The following ZBTB25 variants were observed in gnomAD, a reference collection of about 807,000 sequenced individuals.
The protein encoded by ZBTB25 is zinc finger and BTB domain containing 25.
ZBTB25 carries 20 observed loss-of-function variants against 34.2 expected under a neutral mutation model. The observed-to-expected ratio is 0.58, with a 90% CI of 0.41 to 0.85. The LOEUF (loss-of-function observed/expected upper bound fraction) is 0.85. ZBTB25 is among the 40% of genes least tolerant of loss of function. The pLI is 0.00. For missense variants in ZBTB25, 437 were observed against 521.8 expected, an observed-to-expected ratio of 0.84 and a Z score of 1.58; for synonymous variants, 175 against 186.4, an observed-to-expected ratio of 0.94 and a Z score of 0.50.
chr14:64,468,792 C>T, intron 2 of ZBTB25: 1 of 1,614,062 alleles, frequency 6.2e-7, no homozygotes. Context: ...ATAAAATTCC[C>T]AAGAGGGCCA....
At chr14:64,470,714 A>G (rs2078661802) in intron 2 of ZBTB25, 1 of 166,942 alleles carries the variant, frequency 6.0e-6, no homozygotes, top group Non-Finnish European at 1.5e-5. Context: ...CTGCCTCAAC[A>G]GATCTGTATA....
At chr14:64,458,082 G>A in intron 2 of ZBTB25, 1 of 768,972 alleles carries the variant, frequency 1.3e-6, no homozygotes. Flanking sequence ...TAGAGATGGG[G>A]GTCTCACTAT....
rs777492020 is a variant in ZBTB25 at position 64,488,079 on chromosome 14, C to T, written c.174-22G>A. 4 of 1,599,970 alleles carry T rather than the reference C, an allele frequency of 2.5e-6. No individual in the cohort carries two copies. In the South Asian group the frequency reaches 4.4e-5, roughly 18 times the overall value. Reference sequence around the variant, plus strand: ...TTCACTGTTAAAAACAAAAACAGACCCACAAGAAATGAAACACAACCTAGC... The same window carrying T: ...TTCACTGTTAAAAACAAAAACAGACTCACAAGAAATGAAACACAACCTAGC... On this transcript the variant is annotated intron_variant, in intron 2 of 2. Coordinates refer to ENST00000608382, the MANE Select transcript of ZBTB25 (RefSeq NM_006977.5).
intron 1 of ZBTB25, among the ~76,000 whole-genome samples, chr14:64,494,459 C>T (rs1213918803): frequency 6.6e-6 from 1 of 152,000 alleles, no homozygotes; most frequent in Non-Finnish European, 1.5e-5. Context: ...ATGGTGAGAC[C>T]CCGTCTCTAC....
At chr14:64,498,177 T>G (rs1360002375) in intron 1 of ZBTB25, among the ~76,000 whole-genome samples, 1 of 152,378 alleles carries the variant, frequency 6.6e-6, no homozygotes, top group African/African-American at 2.4e-5. Context: ...AGAAATCATT[T>G]TATCCTGAAA....
intron 1 of ZBTB25, among the ~76,000 whole-genome samples, chr14:64,494,465 T>A (rs1042764593): frequency 7.2e-5 from 11 of 152,094 alleles, no homozygotes; most frequent in African/African-American, 2.7e-4. Flanking sequence ...AGACCCCGTC[T>A]CTACTCAAAA....
At position 64,450,509 on chromosome 14, in the gene ZBTB25, G is replaced by C. The variant is rs548582109; in HGVS notation, c.174-871C>G. Among the ~76,000 whole-genome samples, 9 of 152,250 alleles carry C rather than the reference G, an allele frequency of 5.9e-5. No individual in the cohort carries two copies. In the East Asian group the frequency reaches 1.7e-3, roughly 29 times the overall value. On this transcript the variant is annotated intron_variant, in intron 2 of 2. Transcript: ENST00000555220. ...CTAAGTAGAGCCCTGCTTACTCTAT[G>C]ATACAATAAAGTTAGTTCAGGAAAA...
At chr14:64,493,331 A>G (rs1162018764) in intron 1 of ZBTB25, among the ~76,000 whole-genome samples, 1 of 152,228 alleles carries the variant, frequency 6.6e-6, no homozygotes, top group Non-Finnish European at 1.5e-5. Context: ...TTGGCAAGAC[A>G]CTTAACTCTC....
intron 1 of ZBTB25, among the ~76,000 whole-genome samples, chr14:64,498,230 AGAGCTGTATT>A (rs1237172860): frequency 1.3e-5 from 2 of 152,154 alleles, no homozygotes; most frequent in Non-Finnish European, 2.9e-5. Context: ...CCTTCTATGC[AGAGCTGTATT>A]GATGTCTGAG....
chr14:64,463,639 A>AAAAG (rs2078579834), intron 2 of ZBTB25, among the ~76,000 whole-genome samples: 1 of 151,150 alleles, frequency 6.6e-6, no homozygotes, highest in Non-Finnish European at 1.5e-5. Flanking sequence ...AAAAAAAAAA[A>AAAAG]AAGAAGAAGA....
chr14:64,455,172 T>C (rs2078449067), intron 2 of ZBTB25: 1 of 405,408 alleles, frequency 2.5e-6, no homozygotes, highest in East Asian at 5.7e-5. Flanking sequence ...GCCCAGTTGA[T>C]AGGCTGGGGT....
chr14:64,450,955 G>GT (rs1298318157), intron 2 of ZBTB25, among the ~76,000 whole-genome samples: 2 of 152,086 alleles, frequency 1.3e-5, no homozygotes, highest in Admixed American at 1.3e-4. Context: ...ATCACCTAAG[G>GT]TCAAGAGTTG....
upstream of ZBTB25, among the ~76,000 whole-genome samples, chr14:64,504,243 G>C (rs1402575187): frequency 1.3e-5 from 2 of 150,176 alleles, no homozygotes; most frequent in African/African-American, 4.9e-5. Context: ...GAGGCAGCAG[G>C]CCCACGGAAG....
downstream of ZBTB25, chr14:64,474,473 AT>A (rs2078702483): frequency 6.0e-6 from 1 of 167,068 alleles, no homozygotes; most frequent in Non-Finnish European, 1.5e-5. Flanking sequence ...TGTACTGATT[AT>A]TAATACAGAA....
intron 2 of ZBTB25, chr14:64,458,512 A>G: frequency 1.7e-6 from 1 of 592,882 alleles, no homozygotes; most frequent in South Asian, 1.9e-5. Context: ...ACATTTTTGG[A>G]AGAAGCGCAG....
intron 1 of ZBTB25, among the ~76,000 whole-genome samples, chr14:64,494,279 C>T (rs916564477): frequency 2.0e-5 from 3 of 152,166 alleles, no homozygotes; most frequent in African/African-American, 7.2e-5. Flanking sequence ...TCCTGGTAAC[C>T]TCTGACAATA....
intron 2 of ZBTB25, chr14:64,465,578 C>T (rs2078604194): frequency 6.6e-6 from 1 of 152,138 alleles, no homozygotes; most frequent in Non-Finnish European, 1.5e-5. Context: ...GCCGCCACCT[C>T]GGGAGCAGTG....
intron 2 of ZBTB25, chr14:64,471,790 T>C (rs772042344): frequency 2.4e-5 from 4 of 167,024 alleles, no homozygotes; most frequent in Non-Finnish European, 5.9e-5. Flanking sequence ...CATTAGATGA[T>C]TTTAAATGAT....
In ZBTB25 at chr14:64,489,825, C is replaced by A. The variant is rs1397048827; in HGVS notation, c.173+536G>T. On this transcript the variant is annotated intron_variant, in intron 2 of 2. Coordinates refer to ENST00000608382, the MANE Select transcript of ZBTB25 (RefSeq NM_006977.5). ...CTGGGATTACAGGCGTGAGCCATGGCGCCCAGCCAATTTTAGCTATTCTTA... is the reference window on the plus strand; with the variant it reads ...CTGGGATTACAGGCGTGAGCCATGGAGCCCAGCCAATTTTAGCTATTCTTA... Among the ~76,000 whole-genome samples, 7 of 151,630 alleles carry A rather than the reference C, an allele frequency of 4.6e-5. No individual in the cohort carries two copies. The East Asian group carries it at 1.4e-3, about 30-fold the overall frequency.
Sources: allele counts gnomAD v4.1 joint callset (sites outside exome capture counted in the v4.1 genomes callset), GRCh38; gene constraint gnomAD v4.1.1; transcripts MANE v1.5; gene names NCBI Gene and HGNC (gene_info 2026-07-23, HGNC 2026-07-21).